DNAH6: variants seen among roughly 807,000 people sequenced by gnomAD.
The protein encoded by DNAH6 is axonemal beta dynein heavy chain 6.
In DNAH6, 340 loss-of-function variants were observed where a neutral mutation model predicts 491.4. The ratio of observed to expected loss-of-function variants is 0.69; its 90% CI spans 0.63 to 0.76. The LOEUF is 0.76. Among genes scored for constraint, DNAH6 ranks in the 30% least tolerant of loss-of-function variants. The probability of loss-of-function intolerance (pLI) is 0.00; values close to 1 mark genes in which losing one functional copy is unlikely to be tolerated. For missense variants in DNAH6, 4,443 were observed against 4,972.2 expected (o/e 0.89, Z 3.20); for synonymous variants, 1,603 against 1,686.1 (o/e 0.95, Z 1.21).
chr2:84,585,666 C>T (rs1197185691), intron 15 of DNAH6, among the ~76,000 whole-genome samples: 1 of 151,832 alleles, frequency 6.6e-6, no homozygotes, highest in Non-Finnish European at 1.5e-5. Context: ...CAGCTCCTAG[C>T]AGAGAGGAGA....
At chr2:84,771,060 A>T (rs1275744821) in intron 64 of DNAH6, among the ~76,000 whole-genome samples, 2 of 152,014 alleles carry the variant, frequency 1.3e-5, no homozygotes, top group Non-Finnish European at 2.9e-5. Context: ...AGGCCAAGGT[A>T]GGTGGATCAC....
intron 10 of DNAH6, among the ~76,000 whole-genome samples, chr2:84,554,397 G>T (rs555724773): frequency 5.6e-4 from 85 of 152,260 alleles, no homozygotes; most frequent in African/African-American, 2.0e-3. Context: ...AATTTTGGGG[G>T]TCATCTTAGA....
At chr2:84,637,816 T>A (rs1221207107) in intron 31 of DNAH6, among the ~76,000 whole-genome samples, 2 of 152,208 alleles carry the variant, frequency 1.3e-5, no homozygotes, top group African/African-American at 4.8e-5. Flanking sequence ...ATCAACTTAG[T>A]CAAAAAATAG....
rs927839646 is a variant in DNAH6, at chr2:84,604,447, T to C, written c.2977T>C (p.Leu993=). Residue 993 remains leucine, a synonymous_variant, in exon 19 of 77, where the codon TTG becomes CTG. Transcript: ENST00000389394. ...AGTGGATGCTGAAATTCCATTAACC[T>C]TGGAGAGGCTCTCCCAGTTGCATGT... ...TLVDAEIPLT[L]ERLSQLHVFD... 1 of 1,551,898 alleles carries C rather than the reference T, an allele frequency of 6.4e-7. No homozygotes were observed. Among genetic ancestry groups the C allele is most frequent in the Admixed American group, 2.0e-5 (1 of 51,008 alleles).
In DNAH6 at chr2:84,785,670, A is replaced by T; in HGVS notation, c.11014A>T (p.Thr3672Ser). The T allele has an allele frequency of 6.5e-7, 1 of 1,548,802 alleles. No homozygotes were observed. ...TATCAGACGAGCATTTACTGAAATG[A>T]CACCTTCGTTTTTTGAAGAAAATAT... Reference protein sequence around the residue: ...ANIRRAFTEMTPSFFEENILG... With the variant: ...ANIRRAFTEMSPSFFEENILG... Residue 3672 changes from threonine (T) to serine (S), a missense_variant, in exon 67 of 77, where the codon ACA becomes TCA. Physicochemically the swap from Thr to Ser is moderately conservative, Grantham distance 58. Coordinates refer to ENST00000389394, the MANE Select transcript of DNAH6 (RefSeq NM_001370.2).
chr2:84,522,028 T>C (rs1245925502), intron 2 of DNAH6, among the ~76,000 whole-genome samples: 2 of 152,120 alleles, frequency 1.3e-5, no homozygotes, highest in East Asian at 3.9e-4. Context: ...TTGTGTTTGA[T>C]AGGAATAGCC....
At chr2:84,703,368 A>G in intron 49 of DNAH6, 27 bp from the exon 50 acceptor site, 2 of 1,468,166 alleles carry the variant, frequency 1.4e-6, no homozygotes, top group Admixed American at 2.4e-5. Flanking sequence ...AATGCTCATT[A>G]TAATATAAAT....
chr2:84,640,189 A>G (rs1215427046), intron 31 of DNAH6, among the ~76,000 whole-genome samples: 2 of 151,984 alleles, frequency 1.3e-5, no homozygotes, highest in African/African-American at 4.8e-5. Flanking sequence ...CCCCAAAGCT[A>G]CATCTTCATC....
the DNAH6 span, among the ~76,000 whole-genome samples, chr2:84,503,668 C>A: frequency 6.6e-6 from 1 of 151,208 alleles, no homozygotes; most frequent in South Asian, 2.1e-4. Flanking sequence ...ACCAGACAAA[C>A]TATTCTAGGG....
intron 41 of DNAH6, among the ~76,000 whole-genome samples, chr2:84,679,719 A>G (rs996736660): frequency 2.6e-5 from 4 of 152,230 alleles, no homozygotes; most frequent in Non-Finnish European, 5.9e-5. Context: ...ATTTTAATGT[A>G]TGGATACCAG....
At chr2:84,531,005 G>A (rs1244072729) in intron 4 of DNAH6, among the ~76,000 whole-genome samples, 2 of 152,096 alleles carry the variant, frequency 1.3e-5, no homozygotes, top group Non-Finnish European at 2.9e-5. Context: ...GGCACAGCTT[G>A]GCTTTATACA....
chr2:84,811,384 C>A (rs1169260016), intron 72 of DNAH6, among the ~76,000 whole-genome samples: 1 of 152,208 alleles, frequency 6.6e-6, no homozygotes, highest in African/African-American at 2.4e-5. Context: ...TATGCTCTCC[C>A]TTGTCTTTAG....
intron 11 of DNAH6, among the ~76,000 whole-genome samples, chr2:84,570,229 G>T (rs771519081): frequency 6.1e-4 from 93 of 152,170 alleles, no homozygotes; most frequent in Non-Finnish European, 1.2e-3. Context: ...CACCTCGAAG[G>T]GTCTCCCTGG....
intron 50 of DNAH6, 98 bp from the exon 51 acceptor site, chr2:84,703,969 A>G: frequency 2.2e-6 from 2 of 908,884 alleles, no homozygotes. Flanking sequence ...TCATTATTCT[A>G]ATCCAAAGGG....
intron 40 of DNAH6, among the ~76,000 whole-genome samples, chr2:84,674,981 C>T (rs1258227873): frequency 6.6e-6 from 1 of 152,200 alleles, no homozygotes; most frequent in Admixed American, 6.5e-5. Context: ...CTGAAGGCAC[C>T]CATATCCCCC....
At chr2:84,470,923 G>A in the DNAH6 span, among the ~76,000 whole-genome samples, 3 of 152,170 alleles carry the variant, frequency 2.0e-5, no homozygotes, top group Non-Finnish European at 4.4e-5. Flanking sequence ...CTATTTATTG[G>A]TAATCCAACA....
At chr2:84,753,826 A>T (rs1339531409) in intron 63 of DNAH6, among the ~76,000 whole-genome samples, 21 of 144,104 alleles carry the variant, frequency 1.5e-4, no homozygotes, top group Non-Finnish European at 3.0e-5. Context: ...ATTTTGAGTT[A>T]ATTTTTTTTT....
chr2:84,807,613 G>T (rs1381281666), intron 71 of DNAH6, among the ~76,000 whole-genome samples: 1 of 152,134 alleles, frequency 6.6e-6, no homozygotes. Context: ...CGCTTGTATG[G>T]TAGAGGGGGA....
At chr2:84,637,085 A>G (rs1688955268) in intron 30 of DNAH6, 125 bp from the exon 31 acceptor site, 3 of 744,602 alleles carry the variant, frequency 4.0e-6, no homozygotes, top group South Asian at 2.3e-5. Context: ...CTGTTGTCCA[A>G]CAATGGTATT....
Sources: allele counts gnomAD v4.1 joint callset (sites outside exome capture counted in the v4.1 genomes callset), GRCh38; gene constraint gnomAD v4.1.1; transcripts MANE v1.5; gene names NCBI Gene and HGNC (gene_info 2026-07-23, HGNC 2026-07-21).